Variants in MIA3 observed in about 807,000 individuals in gnomAD.
MIA3 encodes the protein transport and Golgi organization protein 1 homolog.
A neutral mutation model predicts 192.4 loss-of-function variants in MIA3; 90 were observed. The ratio of observed to expected loss-of-function variants is 0.47; its 90% CI spans 0.39 to 0.56. The LOEUF is 0.56. Ranked by LOEUF, MIA3 falls within the 20% of genes least tolerant of loss-of-function variation. MIA3 has a pLI of 0.00. For missense variants in MIA3, 2,123 were observed against 2,269.4 expected, an observed-to-expected ratio of 0.94 and a Z score of 1.31; for synonymous variants, 740 against 792.8, an observed-to-expected ratio of 0.93 and a Z score of 1.12.
At chr1:222,663,463 A>G (rs1452842406) in intron 26 of MIA3, among the ~76,000 whole-genome samples, 1 of 152,102 alleles carries the variant, frequency 6.6e-6, no homozygotes. Context: ...AGCAAATCTA[A>G]TACTCTCTGC....
intron 6 of MIA3, among the ~76,000 whole-genome samples, chr1:222,640,944 T>C (rs962686130): frequency 1.3e-5 from 2 of 152,160 alleles, no homozygotes; most frequent in Admixed American, 6.5e-5. Context: ...GATATACCAA[T>C]TGCAAGTAAG....
At chr1:222,650,166 T>G in intron 8 of MIA3, 126 bp from the exon 9 acceptor site, 1 of 701,330 alleles carries the variant, frequency 1.4e-6, no homozygotes, top group Non-Finnish European at 2.6e-6. Flanking sequence ...TTTAAAACCA[T>G]AATAGTTATG....
intron 2 of MIA3, among the ~76,000 whole-genome samples, chr1:222,621,813 GT>G (rs35055360): frequency 7.1e-5 from 10 of 140,122 alleles, no homozygotes; most frequent in Admixed American, 2.9e-4. Context: ...TTGTTTGTTT[GT>G]TTTTTTTTTT....
rs1207957237 is a variant in MIA3 at position 222,654,138 on chromosome 1, A to G, written c.4322-105A>G. The stretch of plus-strand genomic sequence containing the variant: ...CCTTTTCTGTTTTTGTTTGTTCTTT[A>G]AATGTTTGAACATGACAATTGTTTA... On this transcript the variant is annotated intron_variant, in intron 15 of 27. Transcript: ENST00000344922. The G allele has an allele frequency of 4.6e-6, 5 of 1,091,760 alleles. No homozygotes were observed. The Admixed American group carries it at 6.6e-5, about 15-fold the overall frequency. 67.6% of individuals were successfully genotyped at this position (1,091,760 alleles called of 1,614,324 possible).
chr1:222,656,350 ATC>A (rs998504922), intron 18 of MIA3, among the ~76,000 whole-genome samples: 22 of 152,246 alleles, frequency 1.4e-4, no homozygotes, highest in African/African-American at 5.3e-4. Flanking sequence ...TTTTAAAAGG[ATC>A]TTTCTGCTGG....
intron 14 of MIA3, 44 bp from the exon 15 acceptor site, chr1:222,653,184 A>T: frequency 4.4e-6 from 7 of 1,596,346 alleles, no homozygotes; most frequent in Non-Finnish European, 6.0e-6. Flanking sequence ...AAATCTGTTG[A>T]ATTAAATGGA....
At chr1:222,649,928 G>C in intron 8 of MIA3, 1 of 244,170 alleles carries the variant, frequency 4.1e-6, no homozygotes, top group Non-Finnish European at 8.1e-6. Flanking sequence ...TTACATGGTG[G>C]GAGCAGGAGC....
chr1:222,663,839 C>T (rs1414839042), intron 26 of MIA3, 159 bp from the exon 27 acceptor site: 12 of 659,832 alleles, frequency 1.8e-5, no homozygotes, highest in Non-Finnish European at 2.9e-5. Context: ...CTAAGCTTGT[C>T]AGTGGGAACA....
rs779696764 is a variant in MIA3 at position 222,654,734 on chromosome 1, G to C, written c.4548G>C (p.Leu1516Phe). 1.2e-6 allele frequency: 2 copies of C among 1,614,152 alleles called. No individual in the cohort carries two copies. The highest frequency in any genetic ancestry group is 4.5e-5 in the East Asian group (2 of 44,880). Residue 1516 changes from leucine (L) to phenylalanine (F), a missense_variant, in exon 18 of 28, where the codon TTG (leucine) becomes TTC (phenylalanine). By Grantham distance (22) the Leu-to-Phe change is conservative. Coordinates refer to ENST00000344922, the MANE Select transcript of MIA3 (RefSeq NM_198551.4). ...KAGLEDECKT[L>F]RQKVEILNEL... ...GACTGGAAGATGAATGCAAAACCTT[G>C]AGGCAGAAAGTGGAGATTCTGAATG...
rs1571901711 is a variant in MIA3 at position 222,654,699 on chromosome 1, G to A, written c.4513G>A (p.Ala1505Thr). 2.5e-6 allele frequency: 4 copies of A among 1,614,088 alleles called. No homozygotes were observed. Among genetic ancestry groups the A allele is most frequent in the East Asian group, 2.2e-5 (1 of 44,874 alleles). Residue 1505 changes from alanine (A) to threonine (T), a missense_variant, in exon 18 of 28, where the codon GCC becomes ACC. Ala to Thr is a moderately conservative substitution (Grantham distance 58, BLOSUM62 0). This residue lies in a region of MIA3 where 762 missense variants were observed against 856.4 expected (regional missense o/e 0.89). Transcript: ENST00000344922. ...AGATGACCGCAACTCACTACAAGCT[G>A]CCAAAGCTGGACTGGAAGATGAATG... ...LEDDRNSLQAAKAGLEDECKT... is the reference protein window; with the variant it reads ...LEDDRNSLQATKAGLEDECKT...
chr1:222,638,382 G>A (rs1310749629), intron 6 of MIA3, among the ~76,000 whole-genome samples: 1 of 152,160 alleles, frequency 6.6e-6, no homozygotes, highest in African/African-American at 2.4e-5. Flanking sequence ...AAAGGAAAAG[G>A]AGAAATTAGT....
intron 4 of MIA3, 119 bp from the exon 5 acceptor site, chr1:222,632,046 C>A: frequency 1.3e-6 from 1 of 754,356 alleles, no homozygotes; most frequent in Non-Finnish European, 2.2e-6. Context: ...CCCAGTTGTG[C>A]TCCATGGGAT....
chr1:222,619,817 A>T (rs1256274965), intron 1 of MIA3, among the ~76,000 whole-genome samples: 1 of 152,236 alleles, frequency 6.6e-6, no homozygotes, highest in Non-Finnish European at 1.5e-5. Context: ...CATCAACAGG[A>T]GCAAGGTCTA....
In MIA3 at chr1:222,630,249, A is replaced by G; in HGVS notation, c.3029A>G (p.Asn1010Ser). ...AGAGATCTGGGAATGAACGAAAATA[A>G]CATATTTGAAGAGGCTGCAGTGCTT... ...ENRDLGMNEN[N>S]IFEEAAVLDD... Residue 1010 changes from asparagine to serine, a missense_variant, in exon 4 of 28, where the codon AAC becomes AGC. Physicochemically the swap from Asn to Ser is conservative, Grantham distance 46. Transcript: ENST00000344922. The G allele has an allele frequency of 6.2e-7, 1 of 1,614,246 alleles. No homozygotes were observed. Among genetic ancestry groups the G allele is most frequent in the Non-Finnish European group, 8.5e-7 (1 of 1,180,042 alleles).
In MIA3 at chr1:222,630,013, A is replaced by C; in HGVS notation, c.2793A>C (p.Lys931Asn). ...EDLLIISSFF[K>N]EQQSLQRFQK... is the part of the protein sequence containing the mutation. The stretch of plus-strand genomic sequence containing the variant: ...TACTTATCATAAGCAGCTTCTTTAA[A>C]GAACAACAGTCTTTGCAGCGGTTCC... The change falls in exon 4 of 28, where the codon AAA (lysine) becomes AAC (asparagine). Residue 931 changes from lysine to asparagine, a missense_variant. Lys to Asn is a moderately conservative substitution (Grantham distance 94, BLOSUM62 0). Coordinates refer to ENST00000344922, the MANE Select transcript of MIA3 (RefSeq NM_198551.4). The C allele has an allele frequency of 6.2e-7, 1 of 1,614,152 alleles. No individual in the cohort carries two copies.
In MIA3 at chr1:222,618,748, C is replaced by T. The variant is rs895696954; in HGVS notation, c.133+505C>T. ...GCTAAGGGCTCGGTGGGCGTTTTCCCAGTGGCAGGTTGATGGTGGGGTTTG... is the reference window on the plus strand; with the variant it reads ...GCTAAGGGCTCGGTGGGCGTTTTCCTAGTGGCAGGTTGATGGTGGGGTTTG... On this transcript the variant is annotated intron_variant, in intron 1 of 27. Transcript: ENST00000344922. Among the ~76,000 whole-genome samples, 66 of 152,128 alleles carry T rather than the reference C, an allele frequency of 4.3e-4. 1 individual carries two copies. Among genetic ancestry groups the T allele is most frequent in the African/African-American group, 1.6e-3 (66 of 41,422 alleles).
chr1:222,644,458 G>C, intron 6 of MIA3: 1 of 1,550,488 alleles, frequency 6.4e-7, no homozygotes, highest in Non-Finnish European at 8.7e-7. Context: ...TGTCGCTTGC[G>C]TTCAGCTGTT....
At position 222,621,234 on chromosome 1, in the gene MIA3, A is replaced by G; in HGVS notation, c.209A>G (p.Asp70Gly). Residue 70 changes from aspartate (D) to glycine (G), a missense_variant, in exon 2 of 28, where the codon GAT becomes GGT. Physicochemically the swap from Asp to Gly is moderately conservative, Grantham distance 94. Around this residue, in one of 3 missense-constraint regions of MIA3, gnomAD observed 1,357 missense variants for 1,396.1 expected, o/e 0.97. Transcript: ENST00000344922. ...CGTTTTGTGAATTTTAAAAAAGGTG[A>G]TCCTGTATATGTTTACTATAAACTG... ...DCRFVNFKKG[D>G]PVYVYYKLAR... 1 of 1,613,806 alleles carries G rather than the reference A, an allele frequency of 6.2e-7. No individual in the cohort carries two copies. The highest frequency in any genetic ancestry group is 1.1e-5 in the South Asian group (1 of 91,020).
At chr1:222,656,602 T>C (rs553295135) in intron 18 of MIA3, among the ~76,000 whole-genome samples, 3 of 152,278 alleles carry the variant, frequency 2.0e-5, no homozygotes, top group African/African-American at 7.2e-5. Context: ...CCTCCTGCTT[T>C]TTCTTTTGCA....
Sources: allele counts gnomAD v4.1 joint callset (sites outside exome capture counted in the v4.1 genomes callset), GRCh38; gene constraint gnomAD v4.1.1; regional missense constraint gnomAD v4.1.1; transcripts MANE v1.5; gene names NCBI Gene and HGNC (gene_info 2026-07-23, HGNC 2026-07-21).